NGLY1: variants seen among roughly 807,000 people sequenced by gnomAD.
The protein encoded by NGLY1 is peptide-N(4)-(N-acetyl-beta-glucosaminyl)asparagine amidase.
In NGLY1, 68 loss-of-function variants were observed where a neutral mutation model predicts 84.6. The ratio of observed to expected loss-of-function variants is 0.80; its 90% confidence interval spans 0.66 to 0.98. The LOEUF (loss-of-function observed/expected upper bound fraction) is 0.98, where lower values mean the gene tolerates loss of function less well. NGLY1 is among the 50% of genes least tolerant of loss of function. The pLI is 0.00. For synonymous variants in NGLY1, 280 were observed against 275.2 expected (o/e 1.02, Z -0.17); for missense variants, 779 against 770.2 (o/e 1.01, Z -0.14).
chr3:25,775,709 G>A (rs1316924053), intron 2 of NGLY1, among the ~76,000 whole-genome samples: 1 of 152,110 alleles, frequency 6.6e-6, no homozygotes, highest in Non-Finnish European at 1.5e-5. Flanking sequence ...GAAGGGACTG[G>A]GCAATAGAAA....
chr3:25,782,964 T>TCTC (rs982381645), intron 1 of NGLY1: 19 of 356,944 alleles, frequency 5.3e-5, no homozygotes, highest in Non-Finnish European at 9.3e-5. Context: ...CCTTCCTACC[T>TCTC]CTCCTCCGCC....
intron 3 of NGLY1, among the ~76,000 whole-genome samples, chr3:25,752,248 A>G (rs1706794034): frequency 6.6e-6 from 1 of 152,128 alleles, no homozygotes; most frequent in Admixed American, 6.5e-5. Context: ...TTTGAGACAG[A>G]GTCTCACTGT....
At chr3:25,755,781 A>T (rs550387350) in intron 3 of NGLY1, 2 of 703,116 alleles carry the variant, frequency 2.8e-6, no homozygotes, top group East Asian at 5.3e-5. Context: ...ACCTTAAAAG[A>T]CTTTCATATT....
upstream of NGLY1, among the ~76,000 whole-genome samples, chr3:25,785,404 C>T (rs1708581253): frequency 6.6e-6 from 1 of 151,970 alleles, no homozygotes; most frequent in Admixed American, 6.6e-5. Flanking sequence ...CTATCACAAA[C>T]TTTATTCCTC....
At chr3:25,774,260 T>G (rs760500194) in intron 2 of NGLY1, among the ~76,000 whole-genome samples, 4 of 152,180 alleles carry the variant, frequency 2.6e-5, no homozygotes, top group Non-Finnish European at 5.9e-5. Context: ...CAGAAGGTGA[T>G]GCTTTCAAGA....
At chr3:25,778,726 A>C in intron 1 of NGLY1, 38 bp from the exon 2 acceptor site, 1 of 1,297,458 alleles carries the variant, frequency 7.7e-7, no homozygotes, top group South Asian at 1.3e-5. Flanking sequence ...TATAAAAAAA[A>C]CCAGGTCATA....
intron 4 of NGLY1, among the ~76,000 whole-genome samples, chr3:25,746,299 C>T (rs900549536): frequency 6.6e-6 from 1 of 152,000 alleles, no homozygotes; most frequent in African/African-American, 2.4e-5. Context: ...ATCCTTCATG[C>T]CCTTAAAAAA....
intron 2 of NGLY1, among the ~76,000 whole-genome samples, chr3:25,767,409 T>TA (rs1489198621): frequency 6.6e-6 from 1 of 152,124 alleles, no homozygotes; most frequent in African/African-American, 2.4e-5. Context: ...CCCTGACCAC[T>TA]AAATGCTGAA....
chr3:25,775,775 T>G (rs931516637), intron 2 of NGLY1, among the ~76,000 whole-genome samples: 1 of 152,228 alleles, frequency 6.6e-6, no homozygotes, highest in African/African-American at 2.4e-5. Context: ...ATTTCTCATG[T>G]TCTATAGCAC....
chr3:25,741,548 A>C (rs1189295509), intron 4 of NGLY1, among the ~76,000 whole-genome samples: 2 of 152,142 alleles, frequency 1.3e-5, no homozygotes, highest in Non-Finnish European at 2.9e-5. Context: ...ACTTTGGGTT[A>C]GGAAGGTCTT....
intron 5 of NGLY1, among the ~76,000 whole-genome samples, chr3:25,738,950 A>G (rs953941774): frequency 2.0e-5 from 3 of 152,186 alleles, no homozygotes; most frequent in Non-Finnish European, 4.4e-5. Context: ...AAAATTTAAA[A>G]TGTCCTTAGT....
Position 25,778,618 on chromosome 3 carries a change from C to A in NGLY1, c.202G>T (p.Val68Phe). ...NTAFSTRLLP[V>F]RGAVECLFEM... ...AATAAACATTCAACAGCTCCTCTGA[C>A]AGGCAAGAGTCTAGTAGAAAAGGCT... The change falls in exon 2 of 12, where the codon GTC becomes TTC. Residue 68 changes from valine (V) to phenylalanine (F), a missense_variant. Transcript: ENST00000280700. The A allele has an allele frequency of 6.2e-7, 1 of 1,612,176 alleles. No homozygotes were observed. Among genetic ancestry groups the A allele is most frequent in the Non-Finnish European group, 8.5e-7 (1 of 1,178,966 alleles).
chr3:25,783,539 GTCC>G (rs1213955613), upstream of NGLY1: 13 of 351,154 alleles, frequency 3.7e-5, no homozygotes, highest in East Asian at 1.0e-4. The surrounding 1 kb of genome is among the most constrained non-coding windows in gnomAD (Gnocchi z 4.5). Context: ...CAGGGGCGGG[GTCC>G]TCGGCCGGCA....
exon 1 of NGLY1, chr3:25,789,937 ACAGCTACC>A (rs1708686976): frequency 6.5e-7 from 1 of 1,538,626 alleles, no homozygotes; most frequent in Non-Finnish European, 8.8e-7. Flanking sequence ...GCTCACGCAA[ACAGCTACC>A]CAGCCGCCTC....
intron 2 of NGLY1, among the ~76,000 whole-genome samples, chr3:25,766,976 C>A (rs78503340): frequency 0.038 from 5,747 of 152,142 alleles, 364 homozygotes; most frequent in African/African-American, 0.13. Flanking sequence ...AAGCTTAATG[C>A]ACTAGATTTA....
intron 3 of NGLY1, among the ~76,000 whole-genome samples, chr3:25,758,932 T>C (rs1243987692): frequency 2.0e-5 from 3 of 152,172 alleles, no homozygotes; most frequent in South Asian, 2.1e-4. Flanking sequence ...ACCTGCTTGT[T>C]AAAAATGTAG....
intron 4 of NGLY1, among the ~76,000 whole-genome samples, chr3:25,741,277 T>A (rs1386321592): frequency 1.3e-5 from 2 of 152,064 alleles, no homozygotes. Flanking sequence ...AAAACTCTAA[T>A]ATTTAAAACA....
intron 3 of NGLY1, among the ~76,000 whole-genome samples, chr3:25,756,832 G>A (rs767926497): frequency 5.9e-5 from 9 of 152,146 alleles, no homozygotes; most frequent in East Asian, 1.9e-4. Flanking sequence ...CTAGTGTGGC[G>A]TGATGTGACT....
At chr3:25,782,715 AAATT>A (rs1708474179) in intron 1 of NGLY1, 1 of 152,464 alleles carries the variant, frequency 6.6e-6, no homozygotes, top group African/African-American at 2.4e-5. Context: ...GGCAGAAAAA[AAATT>A]AAAAATTTTA....
Sources: allele counts gnomAD v4.1 joint callset (sites outside exome capture counted in the v4.1 genomes callset), GRCh38; gene constraint gnomAD v4.1.1; non-coding constraint Gnocchi (gnomAD v3.1); transcripts MANE v1.5; gene names NCBI Gene and HGNC (gene_info 2026-07-23, HGNC 2026-07-21).